Variants in KPNA3 observed in about 807,000 individuals in gnomAD.
The protein encoded by KPNA3 is importin subunit alpha-4.
A neutral mutation model predicts 73.8 loss-of-function variants in KPNA3; 13 were observed. The observed-to-expected ratio is 0.18, with a 90% confidence interval of 0.11 to 0.28. The LOEUF (loss-of-function observed/expected upper bound fraction) is 0.28. KPNA3 is among the 10% of genes least tolerant of loss of function. The probability of loss-of-function intolerance (pLI) is 1.00; values close to 1 mark genes in which losing one functional copy is unlikely to be tolerated. For missense variants in KPNA3, 360 were observed against 618.1 expected (o/e 0.58, Z 4.43); for synonymous variants, 186 against 206.9 (o/e 0.90, Z 0.87).
At position 49,722,178 on chromosome 13, in the gene KPNA3, C is replaced by CT. The variant is rs544418395; in HGVS notation, c.557-55dup. 71 of 1,265,194 alleles carry CT rather than the reference C, an allele frequency of 5.6e-5. No homozygotes were observed. In the South Asian group the frequency reaches 1.3e-3, roughly 23 times the overall value. 78.4% of individuals were successfully genotyped at this position (1,265,194 alleles called of 1,614,324 possible). A position where few individuals can be genotyped will look rare whatever the true frequency, so the allele number is the denominator to read the frequency against. ...AAACTTACATTCAGGATGAGAAAGT[C>CT]TGAAATGTATGCAATGGCTCATGTG... On this transcript the variant is annotated intron_variant, in intron 8 of 16. Transcript: ENST00000261667.
rs1566339804 is a variant in KPNA3, at chr13:49,725,513, CA to C, written c.384-13del. 8.1e-6 allele frequency: 6 copies of C among 738,300 alleles called. No individual in the cohort carries two copies. In the East Asian group the frequency reaches 1.2e-4, roughly 14 times the overall value. The allele number at this position is 738,300 out of a possible 1,614,324, so 45.7% of individuals were successfully genotyped here. A position where few individuals can be genotyped will look rare whatever the true frequency, so the allele number is the denominator to read the frequency against. ...ACTGTAATGAAGGACTGTAAAAAAACAATAACACATCTTTTTAGACACATAA... is the reference window on the plus strand; with the variant it reads ...ACTGTAATGAAGGACTGTAAAAAAACATAACACATCTTTTTAGACACATAA... On this transcript the variant is annotated splice_polypyrimidine_tract_variant and intron_variant, in intron 6 of 16. Coordinates refer to ENST00000261667, the MANE Select transcript of KPNA3 (RefSeq NM_002267.4).
chr13:49,757,134 C>G lies in KPNA3; in HGVS notation c.70-10141G>C, dbSNP rs150275215. On this transcript the variant is annotated intron_variant, in intron 1 of 16. Coordinates refer to ENST00000261667, the MANE Select transcript of KPNA3 (RefSeq NM_002267.4). ...GGGATCTGGGGCTAGGCAAAGAGTTCTTAAACTTGACCGTAAAAAGCATGA... is the reference window on the plus strand; with the variant it reads ...GGGATCTGGGGCTAGGCAAAGAGTTGTTAAACTTGACCGTAAAAAGCATGA... Among the ~76,000 whole-genome samples, 232 of 152,186 alleles carry G rather than the reference C, an allele frequency of 1.5e-3. 1 individual carries two copies. Among genetic ancestry groups the G allele is most frequent in the African/African-American group, 5.1e-3 (213 of 41,542 alleles).
chr13:49,766,323 G>A (rs1954807635), intron 1 of KPNA3, among the ~76,000 whole-genome samples: 1 of 151,830 alleles, frequency 6.6e-6, no homozygotes, highest in Non-Finnish European at 1.5e-5. Context: ...AATGTTTTTA[G>A]GTCCTTCTTA....
intron 7 of KPNA3, among the ~76,000 whole-genome samples, chr13:49,724,824 T>C: frequency 6.6e-6 from 1 of 152,152 alleles, no homozygotes; most frequent in Non-Finnish European, 1.5e-5. Flanking sequence ...CTTGAACTCC[T>C]GAACTCAAGT....
At chr13:49,755,192 CTGG>C (rs1181664417) in intron 1 of KPNA3, among the ~76,000 whole-genome samples, 1 of 152,146 alleles carries the variant, frequency 6.6e-6, no homozygotes, top group Non-Finnish European at 1.5e-5. Context: ...TGATACAAGG[CTGG>C]TTCTGTATTT....
chr13:49,766,980 G>A (rs1258670249), intron 1 of KPNA3, among the ~76,000 whole-genome samples: 2 of 143,348 alleles, frequency 1.4e-5, no homozygotes, highest in Non-Finnish European at 1.5e-5. Flanking sequence ...CCTCTTCACA[G>A]AGGTAATCAA....
chr13:49,782,655 A>C (rs1299973273), intron 1 of KPNA3, among the ~76,000 whole-genome samples: 1 of 152,094 alleles, frequency 6.6e-6, no homozygotes, highest in Non-Finnish European at 1.5e-5. Flanking sequence ...GAGGTAGGTG[A>C]ATCACTTGAG....
chr13:49,743,103 A>G (rs1249574780), intron 2 of KPNA3, among the ~76,000 whole-genome samples: 1 of 152,104 alleles, frequency 6.6e-6, no homozygotes, highest in South Asian at 2.1e-4. Flanking sequence ...GAAGCTTACA[A>G]TCTAAGGGAA....
chr13:49,754,335 T>C (rs571201051), intron 1 of KPNA3, among the ~76,000 whole-genome samples: 5 of 152,152 alleles, frequency 3.3e-5, no homozygotes, highest in South Asian at 4.2e-4. Flanking sequence ...ACTAAGTGTA[T>C]TGATTGCCTT....
chr13:49,733,221 G>A (rs1334710371), intron 2 of KPNA3, among the ~76,000 whole-genome samples, 175 bp from the exon 3 acceptor site: 15 of 151,056 alleles, frequency 9.9e-5, no homozygotes, highest in Middle Eastern at 3.3e-3. Flanking sequence ...TTCTGGCTTC[G>A]GTAACAAAAT....
chr13:49,779,885 G>A (rs1220897090), intron 1 of KPNA3, among the ~76,000 whole-genome samples: 1 of 151,962 alleles, frequency 6.6e-6, no homozygotes, highest in Non-Finnish European at 1.5e-5. Context: ...GTCTCATCAT[G>A]CCTCTCCTCT....
intron 1 of KPNA3, among the ~76,000 whole-genome samples, chr13:49,784,839 A>C (rs892142589): frequency 5.3e-5 from 8 of 152,218 alleles, no homozygotes; most frequent in African/African-American, 1.7e-4. Flanking sequence ...TAGGCAATGA[A>C]GATACATAGT....
intron 11 of KPNA3, 81 bp downstream of exon 11, chr13:49,710,810 G>T: frequency 8.1e-7 from 1 of 1,236,870 alleles, no homozygotes. Context: ...CTTACAGATA[G>T]AATTAAAGCC....
chr13:49,785,375 G>GGA (rs1482219100), intron 1 of KPNA3, among the ~76,000 whole-genome samples: 1 of 152,186 alleles, frequency 6.6e-6, no homozygotes, highest in Non-Finnish European at 1.5e-5. Flanking sequence ...ATGTGGAAGA[G>GGA]GAGAAGTCCA....
chr13:49,711,988 C>T (rs1954264015), intron 10 of KPNA3, among the ~76,000 whole-genome samples: 1 of 152,102 alleles, frequency 6.6e-6, no homozygotes, highest in African/African-American at 2.4e-5. Context: ...GACCTCTTGC[C>T]TCAAGACTGT....
At chr13:49,784,058 G>A (rs1954961701) in intron 1 of KPNA3, among the ~76,000 whole-genome samples, 2 of 152,076 alleles carry the variant, frequency 1.3e-5, no homozygotes, top group Admixed American at 1.3e-4. Flanking sequence ...TTCAAGACCA[G>A]CCTGGGCAAC....
At chr13:49,735,556 T>A (rs1311062932) in intron 2 of KPNA3, among the ~76,000 whole-genome samples, 3 of 152,192 alleles carry the variant, frequency 2.0e-5, no homozygotes. Flanking sequence ...ATTTTTACCC[T>A]CCTGAAAACT....
intron 1 of KPNA3, among the ~76,000 whole-genome samples, chr13:49,770,333 ACCAGG>A (rs1302479021): frequency 1.5e-4 from 22 of 151,552 alleles, no homozygotes; most frequent in African/African-American, 5.3e-4. Flanking sequence ...GCACCACCAC[ACCAGG>A]CAAATTTTTA....
At chr13:49,780,912 C>T (rs914195681) in intron 1 of KPNA3, among the ~76,000 whole-genome samples, 5 of 151,618 alleles carry the variant, frequency 3.3e-5, no homozygotes, top group South Asian at 2.1e-4. Context: ...GTAGAGACAG[C>T]GTTTCACCAT....
Sources: allele counts gnomAD v4.1 joint callset (sites outside exome capture counted in the v4.1 genomes callset), GRCh38; gene constraint gnomAD v4.1.1; transcripts MANE v1.5; gene names NCBI Gene and HGNC (gene_info 2026-07-23, HGNC 2026-07-21).